XKR9: variants seen among roughly 807,000 people sequenced by gnomAD.
The protein encoded by XKR9 is XK-related protein 9.
A neutral mutation model predicts 32.0 loss-of-function variants in XKR9; 32 were observed. The ratio of observed to expected loss-of-function variants is 1.00; its 90% CI spans 0.76 to 1.34. The LOEUF (loss-of-function observed/expected upper bound fraction) is 1.34, where lower values mean the gene tolerates loss of function less well. Ranked by LOEUF, XKR9 falls within the 40% of genes most tolerant of loss-of-function variation. The pLI is 0.00. For missense variants in XKR9, 546 were observed against 429.7 expected (o/e 1.27, Z -2.39); for synonymous variants, 168 against 143.4 (o/e 1.17, Z -1.22).
chr8:70,859,026 G>T, the XKR9 span, among the ~76,000 whole-genome samples: 1 of 152,036 alleles, frequency 6.6e-6, no homozygotes, highest in African/African-American at 2.4e-5. Flanking sequence ...AAGCTAAGAA[G>T]TTTCTGCACA....
chr8:71,063,525 T>A, the XKR9 span, among the ~76,000 whole-genome samples: 2 of 150,804 alleles, frequency 1.3e-5, no homozygotes, highest in Non-Finnish European at 3.0e-5. Flanking sequence ...CTGTATTTCA[T>A]CTTGGGGAAA....
At chr8:70,909,874 A>G in the XKR9 span, among the ~76,000 whole-genome samples, 3 of 151,586 alleles carry the variant, frequency 2.0e-5, no homozygotes, top group Non-Finnish European at 2.9e-5. Context: ...ATGCCTGGCT[A>G]ATTTTTGTAT....
chr8:70,760,174 A>AT (rs892145460), intron 2 of XKR9, among the ~76,000 whole-genome samples: 43 of 151,770 alleles, frequency 2.8e-4, no homozygotes, highest in South Asian at 4.2e-4. Context: ...TTAGGACAAC[A>AT]TTTTTTTTTA....
chr8:70,759,583 A>T (rs1323177501), intron 2 of XKR9, among the ~76,000 whole-genome samples: 3 of 152,208 alleles, frequency 2.0e-5, no homozygotes, highest in Admixed American at 6.5e-5. Flanking sequence ...ATCTTGCAGA[A>T]GTATTTTCAG....
At chr8:71,024,199 C>A in the XKR9 span, among the ~76,000 whole-genome samples, 28 of 152,274 alleles carry the variant, frequency 1.8e-4, no homozygotes, top group African/African-American at 6.7e-4. Flanking sequence ...AAGTGCACTG[C>A]AGTTCAGCTG....
the XKR9 span, among the ~76,000 whole-genome samples, chr8:70,891,634 C>T: frequency 1.3e-5 from 2 of 151,762 alleles, no homozygotes; most frequent in Non-Finnish European, 1.5e-5. Context: ...GTTAATTCCA[C>T]TGTGGTCAGA....
the XKR9 span, among the ~76,000 whole-genome samples, chr8:70,935,795 T>A: frequency 6.6e-6 from 1 of 152,094 alleles, no homozygotes; most frequent in Non-Finnish European, 1.5e-5. Flanking sequence ...AGAAGAATAA[T>A]TCTGTTTGTT....
At chr8:70,901,742 G>A in the XKR9 span, among the ~76,000 whole-genome samples, 1 of 152,104 alleles carries the variant, frequency 6.6e-6, no homozygotes, top group Non-Finnish European at 1.5e-5. Flanking sequence ...GCCCATGCCT[G>A]TGTTCTGAAT....
chr8:70,820,613 G>T, the XKR9 span, among the ~76,000 whole-genome samples: 1 of 152,168 alleles, frequency 6.6e-6, no homozygotes, highest in African/African-American at 2.4e-5. Context: ...AGGTTTAATT[G>T]ACTCACAGTT....
the XKR9 span, among the ~76,000 whole-genome samples, chr8:70,997,074 G>A: frequency 9.2e-5 from 14 of 152,208 alleles, no homozygotes; most frequent in Non-Finnish European, 1.8e-4. Flanking sequence ...GAGCCGGGTG[G>A]ATCACCTGAG....
chr8:70,851,124 C>T, the XKR9 span, among the ~76,000 whole-genome samples: 1 of 152,148 alleles, frequency 6.6e-6, no homozygotes, highest in Non-Finnish European at 1.5e-5. Flanking sequence ...CACAAGCATT[C>T]CTATACACCA....
the XKR9 span, among the ~76,000 whole-genome samples, chr8:70,836,140 C>T: frequency 1.3e-5 from 2 of 152,006 alleles, no homozygotes; most frequent in South Asian, 2.1e-4. Flanking sequence ...GAATTGTAGA[C>T]ATTAGTATGC....
chr8:70,793,350 C>T (rs774744428), downstream of XKR9, among the ~76,000 whole-genome samples: 1 of 152,012 alleles, frequency 6.6e-6, no homozygotes, highest in East Asian at 1.9e-4. Flanking sequence ...TTAATACATA[C>T]ATTAATCAAT....
the XKR9 span, among the ~76,000 whole-genome samples, chr8:71,017,795 G>T: frequency 7.4e-4 from 113 of 152,282 alleles, no homozygotes; most frequent in African/African-American, 2.5e-3. Context: ...TCTTGACTTT[G>T]TAGTGATGCA....
intron 2 of XKR9, among the ~76,000 whole-genome samples, chr8:70,757,978 T>C (rs1217822513): frequency 6.6e-6 from 1 of 152,204 alleles, no homozygotes; most frequent in Non-Finnish European, 1.5e-5. Context: ...TGTTGTCTGC[T>C]CTCCCACTTG....
the XKR9 span, among the ~76,000 whole-genome samples, chr8:71,048,285 C>T: frequency 2.6e-5 from 4 of 152,278 alleles, no homozygotes; most frequent in African/African-American, 4.8e-5. Flanking sequence ...CCTGTTCAGC[C>T]GCTGGTCTCT....
At chr8:71,060,288 G>A in the XKR9 span, among the ~76,000 whole-genome samples, 2 of 152,188 alleles carry the variant, frequency 1.3e-5, no homozygotes, top group Non-Finnish European at 2.9e-5. Context: ...TAGACCCTGA[G>A]CTGAATGGAA....
the XKR9 span, among the ~76,000 whole-genome samples, chr8:71,015,099 C>T: frequency 6.6e-6 from 1 of 152,084 alleles, no homozygotes; most frequent in African/African-American, 2.4e-5. Context: ...CAAAGTGGTT[C>T]GTTTTGTGGG....
the XKR9 span, among the ~76,000 whole-genome samples, chr8:71,018,490 A>T: frequency 6.6e-6 from 1 of 152,232 alleles, no homozygotes; most frequent in African/African-American, 2.4e-5. Context: ...GCTTCCGAAG[A>T]TGTAAAGAGA....
Sources: allele counts gnomAD v4.1 joint callset (sites outside exome capture counted in the v4.1 genomes callset), GRCh38; gene constraint gnomAD v4.1.1; transcripts MANE v1.5; gene names NCBI Gene and HGNC (gene_info 2026-07-23, HGNC 2026-07-21).